The following CTNNA3 variants were observed in gnomAD, a reference collection of about 807,000 sequenced individuals.
CTNNA3 encodes catenin alpha 3.
A neutral mutation model predicts 95.7 loss-of-function variants in CTNNA3; 76 were observed. The ratio of observed to expected loss-of-function variants is 0.79; its 90% CI spans 0.66 to 0.96. CTNNA3 has a LOEUF of 0.96. Among genes scored for constraint, CTNNA3 ranks in the 40% least tolerant of loss-of-function variants. The pLI is 0.00. For missense variants in CTNNA3, 1,191 were observed against 1,089.8 expected, an observed-to-expected ratio of 1.09 and a Z score of -1.31; for synonymous variants, 431 against 374.4, an observed-to-expected ratio of 1.15 and a Z score of -1.74.
intron 13 of CTNNA3, among the ~76,000 whole-genome samples, chr10:66,159,475 T>G (rs1185434315): frequency 6.6e-6 from 1 of 152,140 alleles, no homozygotes; most frequent in Non-Finnish European, 1.5e-5. Context: ...GACTTGCATA[T>G]GTTACCATCC....
intron 7 of CTNNA3, among the ~76,000 whole-genome samples, chr10:67,070,987 AG>A (rs1291956510): frequency 1.3e-5 from 2 of 152,188 alleles, no homozygotes; most frequent in Admixed American, 6.5e-5. Context: ...TGCATTCTTG[AG>A]TTGGTTCTAT....
At chr10:67,304,301 A>C (rs543832688) in intron 5 of CTNNA3, among the ~76,000 whole-genome samples, 1 of 152,302 alleles carries the variant, frequency 6.6e-6, no homozygotes, top group African/African-American at 2.4e-5. Context: ...TAGGCACTTC[A>C]CTATATAGGA....
chr10:66,836,572 C>A (rs147837895), intron 7 of CTNNA3, among the ~76,000 whole-genome samples: 17 of 152,174 alleles, frequency 1.1e-4, no homozygotes, highest in Middle Eastern at 6.8e-3. Flanking sequence ...TATTACCAGG[C>A]GAGTCCTGCA....
At chr10:66,715,512 T>C (rs1011058101) in intron 9 of CTNNA3, among the ~76,000 whole-genome samples, 2 of 152,264 alleles carry the variant, frequency 1.3e-5, no homozygotes, top group African/African-American at 4.8e-5. Context: ...ATTTAAAAAC[T>C]AAGAAACTTT....
chr10:66,740,308 C>T (rs1194472910), intron 9 of CTNNA3, among the ~76,000 whole-genome samples: 1 of 152,096 alleles, frequency 6.6e-6, no homozygotes, highest in Non-Finnish European at 1.5e-5. Flanking sequence ...AATGACGATG[C>T]AAAATATAAT....
At chr10:66,912,961 C>T (rs1039415490) in intron 7 of CTNNA3, among the ~76,000 whole-genome samples, 3 of 152,058 alleles carry the variant, frequency 2.0e-5, no homozygotes, top group East Asian at 1.9e-4. Context: ...GTACATAGGC[C>T]GGGCGCGGTG....
At chr10:66,642,016 C>T (rs10822863) in intron 9 of CTNNA3, among the ~76,000 whole-genome samples, 101,066 of 151,798 alleles carry the variant, frequency 0.67, 34,591 homozygotes, top group East Asian at 0.95. Context: ...TTCTTCTGTG[C>T]AAAAGAACCA....
intron 12 of CTNNA3, among the ~76,000 whole-genome samples, chr10:66,303,727 C>T (rs934267436): frequency 1.3e-5 from 2 of 152,006 alleles, no homozygotes; most frequent in African/African-American, 2.4e-5. Context: ...CTCCTGTCCC[C>T]GGGTTCAAGC....
At chr10:67,067,344 A>G (rs1477341880) in intron 7 of CTNNA3, among the ~76,000 whole-genome samples, 1 of 152,196 alleles carries the variant, frequency 6.6e-6, no homozygotes. Flanking sequence ...TAAACCATAT[A>G]CTAAGCAAAA....
chr10:67,574,961 A>C (rs1842097406), intron 3 of CTNNA3, among the ~76,000 whole-genome samples: 1 of 152,146 alleles, frequency 6.6e-6, no homozygotes, highest in Non-Finnish European at 1.5e-5. Context: ...GTAAAAGTTG[A>C]AAATCACAGT....
intron 13 of CTNNA3, among the ~76,000 whole-genome samples, chr10:66,189,193 C>T (rs1192280798): frequency 6.6e-6 from 1 of 150,610 alleles, no homozygotes; most frequent in African/African-American, 2.4e-5. Flanking sequence ...ATTTTGTTGA[C>T]TATTTGCTGT....
intron 7 of CTNNA3, among the ~76,000 whole-genome samples, chr10:67,003,663 A>T (rs1851807516): frequency 6.6e-6 from 1 of 152,196 alleles, no homozygotes; most frequent in Non-Finnish European, 1.5e-5. Flanking sequence ...AGTCTTATTA[A>T]CATAAAACTA....
chr10:66,529,399 T>G (rs1841380234), intron 10 of CTNNA3, among the ~76,000 whole-genome samples: 1 of 151,598 alleles, frequency 6.6e-6, no homozygotes, highest in Non-Finnish European at 1.5e-5. Flanking sequence ...CGCAAAGTGT[T>G]GGGATTACAG....
chr10:67,747,172 C>T lies in CTNNA3; in HGVS notation c.-2+16262G>A, dbSNP rs553415507. Among the ~76,000 whole-genome samples the T allele has an allele frequency of 1.4e-4, 21 of 152,318 alleles. No individual in the cohort carries two copies. In the South Asian group the frequency reaches 4.3e-3, roughly 32 times the overall value. On this transcript the variant is annotated intron_variant, in intron 1 of 17. Transcript: ENST00000684154. ...TAGTGGGTGGGGTGGCCATGGTCTC[C>T]ATGGACCAGCAGACTTAGTCTTTCC...
intron 7 of CTNNA3, among the ~76,000 whole-genome samples, chr10:66,914,427 A>G (rs1846378915): frequency 6.6e-6 from 1 of 152,064 alleles, no homozygotes; most frequent in African/African-American, 2.4e-5. Flanking sequence ...ATTAATATGA[A>G]TGAACACAGA....
At chr10:65,985,391 C>T (rs1294411231) in intron 16 of CTNNA3, among the ~76,000 whole-genome samples, 1 of 151,146 alleles carries the variant, frequency 6.6e-6, no homozygotes, top group Non-Finnish European at 1.5e-5. Flanking sequence ...ATGAAAGCAA[C>T]AGATTTTTCA....
chr10:67,228,684 T>C (rs990615748), intron 5 of CTNNA3, among the ~76,000 whole-genome samples: 5 of 152,080 alleles, frequency 3.3e-5, no homozygotes, highest in African/African-American at 4.8e-5. Context: ...CATTCAAGGC[T>C]ACTGTGAACA....
At chr10:66,454,322 A>C (rs746496165) in intron 11 of CTNNA3, among the ~76,000 whole-genome samples, 1 of 152,220 alleles carries the variant, frequency 6.6e-6, no homozygotes, top group Non-Finnish European at 1.5e-5. Flanking sequence ...TTTAAATGCC[A>C]CTAAAATTGA....
rs80002271 is a variant in CTNNA3 at position 67,656,141 on chromosome 10, G to T, written c.-5-8623C>A. Among the ~76,000 whole-genome samples, 5,165 of 152,230 alleles carry T rather than the reference G, an allele frequency of 0.034. 615 individuals are homozygous for T. The East Asian group carries it at 0.43, about 13-fold the overall frequency. On this transcript the variant is annotated intron_variant, in intron 1 of 17. Transcript: ENST00000433211. ...CTCCATGTTTCCAGTGCAATAATTT[G>T]CTGGTATGTTTGGCCTACCAAGAAA...
Sources: gnomAD v4.1 joint callset for allele counts (sites outside exome capture counted in the v4.1 genomes callset) on GRCh38, gnomAD v4.1.1 for gene constraint, MANE v1.5 for transcripts, NCBI Gene and HGNC (gene_info 2026-07-23, HGNC 2026-07-21) for gene names.